DDAH1: variants seen among roughly 807,000 people sequenced by gnomAD.
DDAH1 encodes the protein dimethylarginine dimethylaminohydrolase 1, also known as N(G),N(G)-dimethylarginine dimethylaminohydrolase 1.
A neutral mutation model predicts 28.8 loss-of-function variants in DDAH1; 19 were observed. That is an observed-to-expected ratio of 0.66 (90% CI 0.46 to 0.97). DDAH1 has a LOEUF of 0.97. Among genes scored for constraint, DDAH1 ranks in the 50% least tolerant of loss-of-function variants. The probability of loss-of-function intolerance (pLI) is 0.00; values close to 1 mark genes in which losing one functional copy is unlikely to be tolerated. For synonymous variants in DDAH1, 153 were observed against 154.4 expected, an observed-to-expected ratio of 0.99 and a Z score of 0.07; for missense variants, 326 against 375.9, an observed-to-expected ratio of 0.87 and a Z score of 1.10.
chr1:85,524,201 A>G (rs1657783666), intron 1 of DDAH1, among the ~76,000 whole-genome samples: 1 of 151,594 alleles, frequency 6.6e-6, no homozygotes, highest in African/African-American at 2.4e-5. Flanking sequence ...AAGATGATAC[A>G]TACTACAAAG....
chr1:85,498,602 T>C (rs1418369639), intron 1 of DDAH1, among the ~76,000 whole-genome samples: 2 of 152,080 alleles, frequency 1.3e-5, no homozygotes, highest in African/African-American at 4.8e-5. Context: ...TTCAAGCCAA[T>C]AGAGGAAATA....
chr1:85,394,448 T>G (rs1233483055), intron 1 of DDAH1, among the ~76,000 whole-genome samples: 1 of 152,232 alleles, frequency 6.6e-6, no homozygotes, highest in African/African-American at 2.4e-5. Context: ...CACTTTTCTT[T>G]ACAAATTACC....
At chr1:85,469,864 T>A (rs1655558069), upstream of DDAH1, among the ~76,000 whole-genome samples, 1 of 152,260 alleles carries the variant, frequency 6.6e-6, no homozygotes, top group South Asian at 2.1e-4. Context: ...TTTCCTCTTC[T>A]GGACATTTCA....
At chr1:85,326,762 AAATT>A (rs1378583973) in intron 4 of DDAH1, among the ~76,000 whole-genome samples, 14 of 152,232 alleles carry the variant, frequency 9.2e-5, no homozygotes, top group Admixed American at 1.3e-4. Context: ...TTTTGAATTT[AAATT>A]GTTCTTGAAG....
At chr1:85,321,953 G>A (rs752207512) in intron 5 of DDAH1, among the ~76,000 whole-genome samples, 4 of 151,912 alleles carry the variant, frequency 2.6e-5, no homozygotes, top group South Asian at 2.1e-4. Flanking sequence ...TTGCTCTGTC[G>A]TCCAGGTTGG....
intron 3 of DDAH1, among the ~76,000 whole-genome samples, 168 bp from the exon 4 acceptor site, chr1:85,350,702 T>C (rs1245052235): frequency 6.6e-6 from 1 of 152,242 alleles, no homozygotes. Context: ...AAACGAAGAC[T>C]GCTTCTAAGA....
At chr1:85,440,880 C>T (rs1654160294) in intron 1 of DDAH1, among the ~76,000 whole-genome samples, 2 of 145,230 alleles carry the variant, frequency 1.4e-5, no homozygotes, top group African/African-American at 2.5e-5. Context: ...TTCTGGTGAG[C>T]ACATTTGAAG....
chr1:85,431,571 AC>A (rs909961851), intron 1 of DDAH1, among the ~76,000 whole-genome samples: 3 of 143,336 alleles, frequency 2.1e-5, no homozygotes, highest in Non-Finnish European at 4.6e-5. Flanking sequence ...CCTCACCTCT[AC>A]CCCCTCCTCT....
At chr1:85,349,482 TTAA>T (rs1426926151) in intron 4 of DDAH1, among the ~76,000 whole-genome samples, 5 of 152,196 alleles carry the variant, frequency 3.3e-5, no homozygotes, top group African/African-American at 1.2e-4. Context: ...CTTTGGCCCT[TTAA>T]TAAGTCATGC....
intron 1 of DDAH1, among the ~76,000 whole-genome samples, chr1:85,417,982 C>T (rs1240959682): frequency 3.9e-5 from 6 of 152,164 alleles, no homozygotes; most frequent in African/African-American, 1.2e-4. Flanking sequence ...AGTTGCTTTG[C>T]GGAAAGTCTG....
At chr1:85,501,010 G>T (rs1371718892) in intron 1 of DDAH1, among the ~76,000 whole-genome samples, 3 of 151,854 alleles carry the variant, frequency 2.0e-5, no homozygotes, top group Non-Finnish European at 4.4e-5. Flanking sequence ...ATTTATAAGA[G>T]TTGTTTTAAA....
chr1:85,433,445 C>T (rs1523993), intron 1 of DDAH1, among the ~76,000 whole-genome samples: 40,504 of 152,000 alleles, frequency 0.27, 5,536 homozygotes, highest in Middle Eastern at 0.3. Flanking sequence ...TGCAAAACAA[C>T]GACAACTGCA....
intron 5 of DDAH1, among the ~76,000 whole-genome samples, chr1:85,323,133 A>C (rs1392752714): frequency 6.6e-6 from 1 of 152,138 alleles, no homozygotes; most frequent in African/African-American, 2.4e-5. Context: ...TTTTCTTTTT[A>C]TCTGCTCAGA....
chr1:85,339,074 T>C (rs1460471177), intron 4 of DDAH1, among the ~76,000 whole-genome samples: 1 of 150,886 alleles, frequency 6.6e-6, no homozygotes, highest in Non-Finnish European at 1.5e-5. Context: ...TATATATATA[T>C]ATGATCTTCA....
At chr1:85,351,716 C>CA (rs1557506957) in intron 2 of DDAH1, 137 bp from the exon 3 acceptor site, 2 of 622,674 alleles carry the variant, frequency 3.2e-6, no homozygotes, top group Admixed American at 3.1e-5. Context: ...AAAGAGACTA[C>CA]AAAAAATGAT....
intron 1 of DDAH1, among the ~76,000 whole-genome samples, chr1:85,450,631 T>G (rs576151911): frequency 6.6e-6 from 1 of 152,298 alleles, no homozygotes; most frequent in South Asian, 2.1e-4. Context: ...CATCACAGCA[T>G]TCAAAAAACT....
At chr1:85,455,248 G>GA (rs1654834508) in intron 1 of DDAH1, among the ~76,000 whole-genome samples, 1 of 151,892 alleles carries the variant, frequency 6.6e-6, no homozygotes, top group Non-Finnish European at 1.5e-5. Context: ...CCTTATGACT[G>GA]AAAAAAATAA....
intron 4 of DDAH1, among the ~76,000 whole-genome samples, chr1:85,328,952 T>C (rs1223940300): frequency 1.9e-4 from 29 of 152,216 alleles, no homozygotes; most frequent in African/African-American, 1.2e-4. Context: ...AGAAGCTTCA[T>C]TGTACTCTTT....
At chr1:85,528,648 A>G (rs1657953624) in intron 1 of DDAH1, among the ~76,000 whole-genome samples, 1 of 152,102 alleles carries the variant, frequency 6.6e-6, no homozygotes, top group Non-Finnish European at 1.5e-5. Context: ...AAATTAAGCT[A>G]CTTCCTTCCT....
Sources: gnomAD v4.1 joint callset for allele counts (sites outside exome capture counted in the v4.1 genomes callset) on GRCh38, gnomAD v4.1.1 for gene constraint, MANE v1.5 for transcripts, NCBI Gene and HGNC (gene_info 2026-07-23, HGNC 2026-07-21) for gene names.